DNAJB11: variants seen among roughly 807,000 people sequenced by gnomAD.
The protein encoded by DNAJB11 is dnaJ homolog subfamily B member 11.
Under a neutral mutation model 47.2 loss-of-function variants are expected in DNAJB11, and 30 were observed. That is an observed-to-expected ratio of 0.64 (90% confidence interval 0.48 to 0.86). The LOEUF (loss-of-function observed/expected upper bound fraction) is 0.86. Ranked by LOEUF, DNAJB11 falls within the 40% of genes least tolerant of loss-of-function variation. The probability of loss-of-function intolerance (pLI) is 0.00; values close to 1 mark genes in which losing one functional copy is unlikely to be tolerated. For missense variants in DNAJB11, 357 were observed against 440.2 expected (o/e 0.81, Z 1.69); for synonymous variants, 151 against 159.9 (o/e 0.94, Z 0.42).
In DNAJB11 at chr3:186,577,684, G is replaced by T; in HGVS notation, c.340G>T (p.Gly114Cys). 1.3e-6 allele frequency: 2 copies of T among 1,579,134 alleles called. No homozygotes were observed. The highest frequency in any genetic ancestry group is 1.8e-5 in the Admixed American group (1 of 54,950). The change falls in exon 4 of 10, where the codon GGT (glycine) becomes TGT (cysteine). Residue 114 changes from glycine to cysteine, a missense_variant. Physicochemically the swap from Gly to Cys is radical, Grantham distance 159. Coordinates refer to ENST00000265028, the MANE Select transcript of DNAJB11 (RefSeq NM_016306.6). The part of the protein sequence containing the change: ...DIFSHFFGDF[G>C]FMFGGTPRQQ... The stretch of plus-strand genomic sequence containing the variant: ...TATCTTTAGCTTCTTTGGGGATTTT[G>T]GTTTCATGTTTGGAGGAACCCCTCG...
chr3:186,582,067 T>C lies in DNAJB11; in HGVS notation c.672T>C (p.Phe224=). The C allele has an allele frequency of 6.2e-7, 1 of 1,612,866 alleles. No individual in the cohort carries two copies. Among genetic ancestry groups the C allele is most frequent in the Non-Finnish European group, 8.5e-7 (1 of 1,178,960 alleles). The change falls in exon 6 of 10, where the codon TTT becomes TTC. Residue 224 remains phenylalanine (F), a synonymous_variant. Coordinates refer to ENST00000265028, the MANE Select transcript of DNAJB11 (RefSeq NM_016306.6). The part of the protein sequence containing the change: ...PGVRDGMEYP[F]IGEGEPHVDG... Reference sequence around the variant, plus strand: ...TGAGAGACGGCATGGAGTACCCCTTTATTGGAGAAGGTGAAATATTGATAT... The same window carrying C: ...TGAGAGACGGCATGGAGTACCCCTTCATTGGAGAAGGTGAAATATTGATAT...
intron 4 of DNAJB11, chr3:186,578,867 A>G (rs1466702677): frequency 1.3e-5 from 2 of 152,222 alleles, no homozygotes; most frequent in Non-Finnish European, 2.9e-5. Context: ...AATTAAATCT[A>G]TCAGTCTTTA....
At position 186,570,807 on chromosome 3, in the gene DNAJB11, G is replaced by A. The variant is rs1328927940; in HGVS notation, c.-91G>A. The A allele has an allele frequency of 1.5e-5, 18 of 1,230,748 alleles. No homozygotes were observed. The highest frequency in any genetic ancestry group is 8.0e-5 in the South Asian group (6 of 75,194). The allele number at this position is 1,230,748 out of a possible 1,614,324, so 76.2% of individuals were successfully genotyped here. ...CCCCCGCGCCCCCCCGGTGTGAGGCGGCCTCACAGGGCCGGGTGGGCTGGC... is the reference window on the plus strand; with the variant it reads ...CCCCCGCGCCCCCCCGGTGTGAGGCAGCCTCACAGGGCCGGGTGGGCTGGC... On this transcript the variant is annotated 5_prime_UTR_variant, in exon 1 of 10. Transcript: ENST00000265028.
Position 186,584,605 on chromosome 3 carries a change from G to GTGTGTGTA in DNAJB11, c.1012+23_1012+24insATGTGTGT. On this transcript the variant is annotated intron_variant, in intron 9 of 9. Coordinates refer to ENST00000265028, the MANE Select transcript of DNAJB11 (RefSeq NM_016306.6). ...GCGAGAGAAGGTATGGCATATTAGT[G>GTGTGTGTA]TGTGTGTGTGTGTGTGTTTGTGTGT... is the stretch of plus-strand genomic sequence containing the variant. The GTGTGTGTA allele has an allele frequency of 6.7e-7, 1 of 1,501,466 alleles. No homozygotes were observed. The highest frequency in any genetic ancestry group is 8.8e-7 in the Non-Finnish European group (1 of 1,132,182). The allele number at this position is 1,501,466 out of a possible 1,614,324, so 93.0% of individuals were successfully genotyped here.
At position 186,584,450 on chromosome 3, in the gene DNAJB11, G is replaced by A. The variant is rs1015823284; in HGVS notation, c.873G>A (p.Lys291=). ...DGHKVHISRD[K]ITRPGAKLWK... The stretch of plus-strand genomic sequence containing the variant: ...TCTAGGTACATATTTCCCGGGATAA[G>A]ATCACCAGGCCAGGAGCGAAGCTAT... The change falls in exon 9 of 10, where the codon AAG becomes AAA. Residue 291 remains lysine, a synonymous_variant. Transcript: ENST00000265028. The A allele has an allele frequency of 7.0e-6, 11 of 1,562,044 alleles. No homozygotes were observed. The highest frequency in any genetic ancestry group is 9.5e-6 in the Non-Finnish European group (11 of 1,162,154).
chr3:186,582,266 G>A (rs1214312340), intron 6 of DNAJB11, among the ~76,000 whole-genome samples, 189 bp downstream of exon 6: 3 of 152,128 alleles, frequency 2.0e-5, no homozygotes, highest in Non-Finnish European at 2.9e-5. Context: ...TAGCATTACC[G>A]TTTATCCTTT....
Position 186,570,887 on chromosome 3 carries a change from A to G in DNAJB11, c.-11A>G. ...AGGAGTGTGTGGAACAGGACCCGGG[A>G]CAGAGGAACCATGGCTCCGCAGAAC... is the stretch of plus-strand genomic sequence containing the variant. On this transcript the variant is annotated 5_prime_UTR_variant, in exon 1 of 10. Transcript: ENST00000265028. 6.2e-7 allele frequency: 1 copy of G among 1,603,384 alleles called. No homozygotes were observed. Among genetic ancestry groups the G allele is most frequent in the South Asian group, 1.1e-5 (1 of 89,248 alleles).
In DNAJB11 at chr3:186,570,769, C is replaced by A; in HGVS notation, c.-129C>A. On this transcript the variant is annotated 5_prime_UTR_variant, in exon 1 of 10. Transcript: ENST00000265028. ...AGAGGGGGCTAGCTAGCTGTCTCTG[C>A]GGACCAAGGAGACCCCCGCGCCCCC... is the stretch of plus-strand genomic sequence containing the variant. 1 of 793,608 alleles carries A rather than the reference C, an allele frequency of 1.3e-6. No individual in the cohort carries two copies. Among genetic ancestry groups the A allele is most frequent in the Non-Finnish European group, 2.1e-6 (1 of 486,894 alleles). 49.2% of individuals were successfully genotyped at this position (793,608 alleles called of 1,614,324 possible).
intron 8 of DNAJB11, 56 bp from the exon 9 acceptor site, chr3:186,584,374 G>GTGA (rs1715597556): frequency 1.3e-6 from 2 of 1,484,608 alleles, no homozygotes. Flanking sequence ...TAGAAGCTGT[G>GTGA]TGATGTACTT....
At chr3:186,580,001 A>C (rs375159585) in intron 4 of DNAJB11, 2 of 152,240 alleles carry the variant, frequency 1.3e-5, no homozygotes, top group East Asian at 3.8e-4. Context: ...GATATAGACA[A>C]TCACAGAAGA....
intron 2 of DNAJB11, among the ~76,000 whole-genome samples, chr3:186,574,518 A>G (rs112659431): frequency 6.6e-6 from 1 of 151,612 alleles, no homozygotes; most frequent in African/African-American, 2.4e-5. Flanking sequence ...CTGCTTCCCC[A>G]AAGTACCTAT....
chr3:186,572,014 G>A (rs1715077294), intron 1 of DNAJB11, 81 bp from the exon 2 acceptor site: 2 of 1,282,850 alleles, frequency 1.6e-6, no homozygotes, highest in Non-Finnish European at 2.1e-6. Flanking sequence ...AAACCTAAAT[G>A]TAGAGGAAAA....
rs1394396565 is a variant in DNAJB11 at position 186,585,744 on chromosome 3, A to G, written c.*336A>G. The G allele has an allele frequency of 6.1e-6, 1 of 164,966 alleles. No homozygotes were observed. The highest frequency in any genetic ancestry group is 1.3e-5 in the Non-Finnish European group (1 of 76,102). 10.2% of individuals were successfully genotyped at this position (164,966 alleles called of 1,614,324 possible). ...TTGGAGTTGTTAGCAATTTCATTCA[A>G]AATGCCAACTGGAGAAGTCTGTTTT... On this transcript the variant is annotated 3_prime_UTR_variant, in exon 10 of 10. Coordinates refer to ENST00000265028, the MANE Select transcript of DNAJB11 (RefSeq NM_016306.6).
At chr3:186,583,391 C>T (rs1715552001) in intron 7 of DNAJB11, among the ~76,000 whole-genome samples, 1 of 152,214 alleles carries the variant, frequency 6.6e-6, no homozygotes, top group South Asian at 2.1e-4. Flanking sequence ...GCTTCTTTAC[C>T]TACCTTGTCT....
chr3:186,583,736 C>A, intron 7 of DNAJB11, 129 bp from the exon 8 acceptor site: 1 of 676,446 alleles, frequency 1.5e-6, no homozygotes. Flanking sequence ...ATTAATACTA[C>A]ACACAAAAGT....
At chr3:186,583,366 G>A (rs544172629) in intron 7 of DNAJB11, among the ~76,000 whole-genome samples, 5 of 152,344 alleles carry the variant, frequency 3.3e-5, no homozygotes, top group African/African-American at 1.2e-4. Flanking sequence ...TTTAATCTCA[G>A]TGTTGTTTTC....
At chr3:186,575,361 G>A (rs546421516) in intron 2 of DNAJB11, among the ~76,000 whole-genome samples, 416 of 76,826 alleles carry the variant, frequency 5.4e-3, no homozygotes, top group South Asian at 0.014. Context: ...ACATGCGCGC[G>A]CGCGCGCGTG....
chr3:186,584,057 C>A, intron 8 of DNAJB11, 81 bp downstream of exon 8: 1 of 979,498 alleles, frequency 1.0e-6, no homozygotes, highest in Non-Finnish European at 1.6e-6. Flanking sequence ...CTGTTTCAGT[C>A]ATTGAGAACC....
intron 4 of DNAJB11, 169 bp from the exon 5 acceptor site, chr3:186,581,202 G>T: frequency 1.6e-6 from 1 of 608,226 alleles, no homozygotes; most frequent in Non-Finnish European, 2.7e-6. Flanking sequence ...CTGTTTGGGG[G>T]CTGATTTGTA....
Sources: gnomAD v4.1 joint callset for allele counts (sites outside exome capture counted in the v4.1 genomes callset) on GRCh38, gnomAD v4.1.1 for gene constraint, MANE v1.5 for transcripts, NCBI Gene and HGNC (gene_info 2026-07-23, HGNC 2026-07-21) for gene names.